Variants in MEGF11 observed in about 807,000 individuals in gnomAD.
MEGF11 encodes the protein multiple EGF like domains 11, also known as multiple epidermal growth factor-like domains protein 11.
In MEGF11, 126 loss-of-function variants were observed where a neutral mutation model predicts 146.6. That is an observed-to-expected ratio of 0.86 (90% CI 0.74 to 1.00). MEGF11 has a LOEUF of 1.00. MEGF11 is among the 50% of genes least tolerant of loss of function. The probability of loss-of-function intolerance (pLI) is 0.00; values close to 1 mark genes in which losing one functional copy is unlikely to be tolerated. For missense variants in MEGF11, 1,509 were observed against 1,521.2 expected (o/e 0.99, Z 0.13); for synonymous variants, 532 against 583.4 (o/e 0.91, Z 1.27).
chr15:65,990,925 A>G (rs2082026531), intron 5 of MEGF11, among the ~76,000 whole-genome samples: 4 of 152,198 alleles, frequency 2.6e-5, no homozygotes, highest in Non-Finnish European at 4.4e-5. Flanking sequence ...GAGCTGAGCT[A>G]TCACTCAGTT....
chr15:65,909,997 T>C (rs1009658628), intron 21 of MEGF11, 191 bp from the exon 22 acceptor site: 3 of 694,442 alleles, frequency 4.3e-6, no homozygotes, highest in African/African-American at 1.8e-5. Flanking sequence ...CTAGTGGGAA[T>C]AGAACATACC....
intron 5 of MEGF11, among the ~76,000 whole-genome samples, chr15:66,001,218 C>G (rs1420683605): frequency 2.6e-5 from 4 of 151,916 alleles, no homozygotes; most frequent in African/African-American, 7.3e-5. Context: ...GGCTGGAGTC[C>G]CCCCACACAT....
chr15:66,108,165 C>G (rs963101217), intron 4 of MEGF11, among the ~76,000 whole-genome samples: 1 of 152,282 alleles, frequency 6.6e-6, no homozygotes, highest in African/African-American at 2.4e-5. Flanking sequence ...AGTGAGGTAA[C>G]GGGACGTTGA....
At chr15:65,960,312 A>G (rs2080814241) in intron 9 of MEGF11, among the ~76,000 whole-genome samples, 1 of 152,270 alleles carries the variant, frequency 6.6e-6, no homozygotes, top group South Asian at 2.1e-4. Context: ...AATTGTAAAT[A>G]TCTAACGAAG....
intron 5 of MEGF11, among the ~76,000 whole-genome samples, chr15:66,073,501 G>A (rs1420570473): frequency 4.6e-5 from 7 of 152,212 alleles, no homozygotes; most frequent in Non-Finnish European, 1.0e-4. Context: ...CTTAGCTGCA[G>A]TGCTTCAGCG....
chr15:66,151,029 G>A (rs1196264974), intron 1 of MEGF11, among the ~76,000 whole-genome samples: 1 of 152,176 alleles, frequency 6.6e-6, no homozygotes, highest in Non-Finnish European at 1.5e-5. Context: ...AAGGGACAAG[G>A]GCTGGGGAGG....
At chr15:65,934,039 C>T (rs1280953309) in intron 10 of MEGF11, among the ~76,000 whole-genome samples, 1 of 152,168 alleles carries the variant, frequency 6.6e-6, no homozygotes, top group East Asian at 1.9e-4. Flanking sequence ...CTCCCTGTTC[C>T]CCCTCACAGC....
intron 2 of MEGF11, among the ~76,000 whole-genome samples, chr15:66,126,833 C>T (rs1218567438): frequency 2.0e-5 from 3 of 152,312 alleles, no homozygotes; most frequent in South Asian, 2.1e-4. Flanking sequence ...AAAGCCAGAA[C>T]GGGCAAGGGG....
intron 1 of MEGF11, among the ~76,000 whole-genome samples, chr15:66,147,161 G>A (rs908555934): frequency 1.3e-5 from 2 of 152,080 alleles, no homozygotes; most frequent in African/African-American, 4.8e-5. Flanking sequence ...TCTAACTGTT[G>A]TTGTCCCTAA....
chr15:65,951,738 T>C (rs1364652070), intron 10 of MEGF11, among the ~76,000 whole-genome samples: 1 of 151,936 alleles, frequency 6.6e-6, no homozygotes, highest in Non-Finnish European at 1.5e-5. Context: ...AGTAGGCTTG[T>C]ACAATACAAG....
At chr15:66,073,289 C>T (rs2085445634) in intron 5 of MEGF11, among the ~76,000 whole-genome samples, 1 of 152,190 alleles carries the variant, frequency 6.6e-6, no homozygotes, top group South Asian at 2.1e-4. Context: ...CCTTCTTCCC[C>T]GCTGAGCCCT....
chr15:65,965,900 G>A (rs1438185383), intron 8 of MEGF11, among the ~76,000 whole-genome samples: 1 of 152,114 alleles, frequency 6.6e-6, no homozygotes, highest in Non-Finnish European at 1.5e-5. Context: ...CATTCGCACT[G>A]TTGTGCCACA....
intron 13 of MEGF11, among the ~76,000 whole-genome samples, chr15:65,924,867 G>A (rs1458443620): frequency 6.6e-6 from 1 of 152,108 alleles, no homozygotes; most frequent in East Asian, 1.9e-4. Context: ...GGTCTCAAGT[G>A]ATCCGCCCGC....
chr15:66,177,525 G>A (rs1350969126), intron 1 of MEGF11, among the ~76,000 whole-genome samples: 4 of 151,854 alleles, frequency 2.6e-5, no homozygotes, highest in Non-Finnish European at 5.9e-5. Flanking sequence ...CCAGGGGGTG[G>A]GATGAGGGGA....
At chr15:65,921,277 G>A (rs1376073506) in intron 15 of MEGF11, among the ~76,000 whole-genome samples, 2 of 152,114 alleles carry the variant, frequency 1.3e-5, no homozygotes, top group Admixed American at 6.6e-5. Context: ...TTAGCCCTAA[G>A]TTTAACTTAC....
At chr15:65,898,566 A>G (rs1425114077) in intron 25 of MEGF11, 162 bp downstream of exon 25, 4 of 985,350 alleles carry the variant, frequency 4.1e-6, no homozygotes, top group Non-Finnish European at 4.8e-6. Flanking sequence ...TGCATTAGCT[A>G]GGAGGGTAGT....
intron 5 of MEGF11, among the ~76,000 whole-genome samples, chr15:66,066,227 G>C (rs905369281): frequency 6.6e-6 from 1 of 152,154 alleles, no homozygotes; most frequent in Non-Finnish European, 1.5e-5. Flanking sequence ...GGCAGCAGCA[G>C]GGTAGGCAAG....
chr15:65,953,915 C>T (rs2080487822), intron 10 of MEGF11, among the ~76,000 whole-genome samples: 1 of 152,196 alleles, frequency 6.6e-6, no homozygotes. Flanking sequence ...AGACCATTCT[C>T]AGCCCCTAGA....
intron 5 of MEGF11, among the ~76,000 whole-genome samples, chr15:66,029,569 C>A (rs2083448228): frequency 6.6e-6 from 1 of 152,196 alleles, no homozygotes; most frequent in African/African-American, 2.4e-5. Context: ...GAGAGGAAAG[C>A]TGCTCTGTGA....
Sources: allele counts gnomAD v4.1 joint callset (sites outside exome capture counted in the v4.1 genomes callset), GRCh38; gene constraint gnomAD v4.1.1; transcripts MANE v1.5; gene names NCBI Gene and HGNC (gene_info 2026-07-23, HGNC 2026-07-21).